Variants in SLC30A10 observed in about 807,000 individuals in gnomAD.
SLC30A10 encodes the protein solute carrier family 30 member 10, also known as calcium/manganese antiporter SLC30A10.
In SLC30A10, 8 loss-of-function variants were observed where a neutral mutation model predicts 21.7. The observed-to-expected ratio is 0.37, with a 90% confidence interval of 0.22 to 0.67. The LOEUF (loss-of-function observed/expected upper bound fraction) is 0.67, where lower values mean the gene tolerates loss of function less well. SLC30A10 is among the 30% of genes least tolerant of loss of function. The probability of loss-of-function intolerance (pLI) is 0.58; values close to 1 mark genes in which losing one functional copy is unlikely to be tolerated. For missense variants in SLC30A10, 521 were observed against 642.5 expected, an observed-to-expected ratio of 0.81 and a Z score of 2.04; for synonymous variants, 272 against 279.4, an observed-to-expected ratio of 0.97 and a Z score of 0.26.
chr1:219,925,322 T>C (rs1376210624), intron 2 of SLC30A10, among the ~76,000 whole-genome samples: 2 of 151,914 alleles, frequency 1.3e-5, no homozygotes, highest in Admixed American at 6.6e-5. Flanking sequence ...TTGCCTGAGG[T>C]CAGGAGTTCG....
At chr1:219,954,525 C>G (rs963570726) in intron 1 of SLC30A10, among the ~76,000 whole-genome samples, 1 of 151,478 alleles carries the variant, frequency 6.6e-6, no homozygotes, top group Non-Finnish European at 1.5e-5. Flanking sequence ...ACTAAAAATA[C>G]AAAAATTAGC....
chr1:219,927,687 A>AC lies in SLC30A10; in HGVS notation c.640+113_640+114insG, dbSNP rs372482196. On this transcript the variant is annotated intron_variant, in intron 1 of 3. Transcript: ENST00000366926. ...AAAAAAACAACAACAACAAAAAAAA[A>AC]AAAACAGAAAAAAAGCATGCAGAAG... 0.18 allele frequency: 111,413 copies of AC among 609,356 alleles called. 21,111 individuals carry two copies. Among genetic ancestry groups the AC allele is most frequent in the East Asian group, 0.38 (9,317 of 24,814 alleles). 37.7% of individuals were successfully genotyped at this position (609,356 alleles called of 1,614,324 possible).
intron 2 of SLC30A10, among the ~76,000 whole-genome samples, chr1:219,925,425 T>C (rs948555354): frequency 6.6e-6 from 1 of 150,744 alleles, no homozygotes; most frequent in African/African-American, 2.4e-5. Flanking sequence ...TCCCAGCTAC[T>C]TGGGAGGCTG....
chr1:219,939,879 G>T (rs578104212), intron 1 of SLC30A10, among the ~76,000 whole-genome samples: 3 of 152,354 alleles, frequency 2.0e-5, no homozygotes, highest in South Asian at 4.1e-4. Flanking sequence ...CATGGACTGA[G>T]ATTTTAGGGA....
intron 1 of SLC30A10, among the ~76,000 whole-genome samples, chr1:219,941,879 T>C (rs1373378677): frequency 1.3e-5 from 2 of 152,224 alleles, no homozygotes; most frequent in Non-Finnish European, 2.9e-5. Flanking sequence ...GTTTACCAGA[T>C]AGGAAAACTT....
intron 2 of SLC30A10, among the ~76,000 whole-genome samples, chr1:219,925,776 C>T (rs1252785499): frequency 6.7e-6 from 1 of 148,794 alleles, no homozygotes; most frequent in Non-Finnish European, 1.5e-5. Context: ...CTGCCTCAGC[C>T]TCCCGAGTAG....
intron 2 of SLC30A10, among the ~76,000 whole-genome samples, chr1:219,924,082 A>G (rs1378337631): frequency 6.6e-6 from 1 of 152,170 alleles, no homozygotes; most frequent in Non-Finnish European, 1.5e-5. Flanking sequence ...CAAACAAACA[A>G]ACAAAAACTC....
intron 1 of SLC30A10, 109 bp downstream of exon 1, chr1:219,927,686 AAAAAAC>A: frequency 2.1e-5 from 19 of 900,846 alleles, no homozygotes; most frequent in Non-Finnish European, 2.6e-5. Context: ...AACAAAAAAA[AAAAAAC>A]AGAAAAAAAG....
intron 1 of SLC30A10, among the ~76,000 whole-genome samples, chr1:219,948,693 T>C (rs935416021): frequency 1.3e-5 from 2 of 152,188 alleles, no homozygotes; most frequent in Admixed American, 1.3e-4. Flanking sequence ...ATTAAGGACA[T>C]AGGCATGAGC....
chr1:219,938,697 G>A (rs1660078647), intron 1 of SLC30A10, among the ~76,000 whole-genome samples: 1 of 152,198 alleles, frequency 6.6e-6, no homozygotes, highest in African/African-American at 2.4e-5. Flanking sequence ...GTTATCAATT[G>A]CTTCCAAACC....
chr1:219,957,729 A>C (rs553899865), intron 1 of SLC30A10, among the ~76,000 whole-genome samples: 2 of 152,318 alleles, frequency 1.3e-5, no homozygotes, highest in East Asian at 3.9e-4. Flanking sequence ...AAAGCACTAA[A>C]AATTTCTCTT....
intron 2 of SLC30A10, among the ~76,000 whole-genome samples, chr1:219,926,546 T>C (rs1266733469): frequency 1.3e-5 from 2 of 152,172 alleles, no homozygotes; most frequent in Non-Finnish European, 2.9e-5. Flanking sequence ...CTCCCTTTGG[T>C]CCTGGGAGTG....
intron 1 of SLC30A10, among the ~76,000 whole-genome samples, chr1:219,948,744 A>C (rs900990518): frequency 9.9e-5 from 15 of 152,196 alleles, no homozygotes; most frequent in African/African-American, 3.4e-4. Flanking sequence ...ATGGCAACAA[A>C]AGCCAAAATT....
intron 2 of SLC30A10, among the ~76,000 whole-genome samples, chr1:219,923,175 G>A (rs1169312162): frequency 6.6e-6 from 1 of 152,146 alleles, no homozygotes; most frequent in Non-Finnish European, 1.5e-5. Flanking sequence ...AGCAGACTCC[G>A]ATGTGATCAC....
intron 1 of SLC30A10, among the ~76,000 whole-genome samples, chr1:219,941,360 A>G (rs1180711752): frequency 6.6e-6 from 1 of 152,200 alleles, no homozygotes; most frequent in Middle Eastern, 3.2e-3. Context: ...TAGAAGCAGG[A>G]TTCACAGGTC....
intron 2 of SLC30A10, among the ~76,000 whole-genome samples, chr1:219,920,063 A>G (rs911613941): frequency 6.6e-6 from 1 of 152,280 alleles, no homozygotes; most frequent in East Asian, 1.9e-4. Context: ...TGAACACTAA[A>G]TGTAATTTGA....
intron 3 of SLC30A10, among the ~76,000 whole-genome samples, chr1:219,917,555 T>C (rs1659572781): frequency 6.6e-6 from 1 of 152,156 alleles, no homozygotes; most frequent in African/African-American, 2.4e-5. Flanking sequence ...GGGTCTAGAA[T>C]ATGAATGATT....
At chr1:219,948,701 A>G (rs1053750953) in intron 1 of SLC30A10, among the ~76,000 whole-genome samples, 1 of 152,290 alleles carries the variant, frequency 6.6e-6, no homozygotes, top group African/African-American at 2.4e-5. Flanking sequence ...CATAGGCATG[A>G]GCAAGGACTT....
intron 3 of SLC30A10, among the ~76,000 whole-genome samples, chr1:219,917,708 C>CTTTTTTTTTTTTTTTTTTTT (rs35106027): frequency 9.6e-6 from 1 of 104,106 alleles, no homozygotes; most frequent in African/African-American, 4.1e-5. Flanking sequence ...TTTTTCTTTC[C>CTTTTTTTTTTTTTTTTTTTT]TTTTTTTTTT....
Sources: allele counts gnomAD v4.1 joint callset (sites outside exome capture counted in the v4.1 genomes callset), GRCh38; gene constraint gnomAD v4.1.1; transcripts MANE v1.5; gene names NCBI Gene and HGNC (gene_info 2026-07-23, HGNC 2026-07-21).